The following DNMT3A variants were observed in gnomAD, a reference collection of about 807,000 sequenced individuals.
DNMT3A encodes the protein DNA methyltransferase 3 alpha, also known as DNA (cytosine-5)-methyltransferase 3A.
Under a neutral mutation model 117.6 loss-of-function variants are expected in DNMT3A, and 267 were observed. The ratio of observed to expected loss-of-function variants is 2.27; its 90% CI spans 2.05 to 2.51. The LOEUF (loss-of-function observed/expected upper bound fraction) is 2.51, where lower values mean the gene tolerates loss of function less well. DNMT3A is among the 30% of genes most tolerant of loss of function. DNMT3A has a pLI of 0.00. For missense variants in DNMT3A, 1,029 were observed against 1,260.2 expected (o/e 0.82, Z 2.78); for synonymous variants, 432 against 474.8 (o/e 0.91, Z 1.17).
chr2:25,311,139 A>AG lies in DNMT3A; in HGVS notation c.72+2773dup, dbSNP rs1359893472. Among the ~76,000 whole-genome samples the AG allele has an allele frequency of 9.7e-3, 21 of 2,166 alleles. No homozygotes were observed. Among genetic ancestry groups the AG allele is most frequent in the South Asian group, 0.054 (5 of 92 alleles). 1.4% of individuals were successfully genotyped at this position (2,166 alleles called of 152,430 possible). Reference sequence around the variant, plus strand: ...GGCGGGGCTGGGGGCGGGGGCGGGGAGGGGGGGCGGCGGTGGGCAGAGGCT... The same window carrying AG: ...GGCGGGGCTGGGGGCGGGGGCGGGGAGGGGGGGGCGGCGGTGGGCAGAGGCT... On this transcript the variant is annotated intron_variant, in intron 2 of 22. Transcript: ENST00000321117. This position sits in a 1 kb window ranked among gnomAD's most constrained non-coding sequence, Gnocchi z 5.2.
At chr2:25,317,879 G>A (rs910608897) in intron 1 of DNMT3A, among the ~76,000 whole-genome samples, 1 of 152,168 alleles carries the variant, frequency 6.6e-6, no homozygotes, top group Admixed American at 6.5e-5. Flanking sequence ...GGGATTACAG[G>A]CATGTACCAC....
intron 1 of DNMT3A, among the ~76,000 whole-genome samples, chr2:25,328,048 C>A (rs2034852593): frequency 6.6e-6 from 1 of 152,178 alleles, no homozygotes; most frequent in South Asian, 2.1e-4. Context: ...CTACCTCCCA[C>A]CCCACCCTAT....
At chr2:25,300,628 TCTAAATA>T (rs1259952510) in intron 2 of DNMT3A, among the ~76,000 whole-genome samples, 1,089 of 94,292 alleles carry the variant, frequency 0.012, 44 homozygotes, top group Non-Finnish European at 0.019. Context: ...TATTTAGATA[TCTAAATA>T]ATATATTATT....
chr2:25,299,276 C>G (rs2033281423), intron 3 of DNMT3A, among the ~76,000 whole-genome samples: 2 of 152,176 alleles, frequency 1.3e-5, no homozygotes, highest in Non-Finnish European at 2.9e-5. Flanking sequence ...TCCCAGAAGC[C>G]TGGCGCTGGG....
rs2034352586 is a variant in DNMT3A at position 25,315,819 on chromosome 2, A to T, written c.-177-1658T>A. Among the ~76,000 whole-genome samples the T allele has an allele frequency of 2.0e-5, 3 of 152,212 alleles. No homozygotes were observed. In the South Asian group the frequency reaches 6.2e-4, roughly 31 times the overall value. The stretch of plus-strand genomic sequence containing the variant: ...AAGCACTCGGCTGCCAGCCCTTAGC[A>T]GCCAGTGATTCCCTGTCAAGCCTCA... On this transcript the variant is annotated intron_variant, in intron 1 of 22. Coordinates refer to ENST00000321117, the MANE Select transcript of DNMT3A (RefSeq NM_022552.5).
At chr2:25,248,344 G>A (rs536438690) in intron 6 of DNMT3A, 92 bp from the exon 7 acceptor site, 61 of 1,412,870 alleles carry the variant, frequency 4.3e-5, no homozygotes, top group Non-Finnish European at 5.5e-5. Context: ...GTCAAAACCC[G>A]GAACAGTGAC....
intron 6 of DNMT3A, among the ~76,000 whole-genome samples, chr2:25,269,883 C>T (rs1047147365): frequency 2.0e-5 from 3 of 152,146 alleles, no homozygotes; most frequent in African/African-American, 7.2e-5. Context: ...CGTCTTAAAT[C>T]TTGGGGGAGG....
Position 25,232,853 on chromosome 2 carries a change from C to T in DNMT3A, c.*1426G>A. 4.4e-6 allele frequency: 1 copy of T among 225,940 alleles called. No individual in the cohort carries two copies. Among genetic ancestry groups the T allele is most frequent in the African/African-American group, 2.2e-5 (1 of 44,880 alleles). The allele number at this position is 225,940 out of a possible 1,614,324, so 14.0% of individuals were successfully genotyped here. A position where few individuals can be genotyped will look rare whatever the true frequency, so the allele number is the denominator to read the frequency against. Reference sequence around the variant, plus strand: ...TCAGCCTCCCAGTATAAAACTGCAGCCTTTGGAGATGACCAAAAACATCAC... The same window carrying T: ...TCAGCCTCCCAGTATAAAACTGCAGTCTTTGGAGATGACCAAAAACATCAC... On this transcript the variant is annotated 3_prime_UTR_variant, in exon 23 of 23. Coordinates refer to ENST00000321117, the MANE Select transcript of DNMT3A (RefSeq NM_022552.5). This position sits in a 1 kb window ranked among gnomAD's most constrained non-coding sequence, Gnocchi z 4.1.
At chr2:25,317,508 A>C (rs1022529690) in intron 1 of DNMT3A, among the ~76,000 whole-genome samples, 1 of 152,238 alleles carries the variant, frequency 6.6e-6, no homozygotes, top group African/African-American at 2.4e-5. Flanking sequence ...ACAGTCTTCA[A>C]CAGATGCTTA....
chr2:25,318,136 C>T (rs1287728050), intron 1 of DNMT3A, among the ~76,000 whole-genome samples: 3 of 152,144 alleles, frequency 2.0e-5, no homozygotes, highest in Non-Finnish European at 2.9e-5. Flanking sequence ...TCTGGAGAAT[C>T]GAATGAGTCT....
At chr2:25,245,893 C>A in intron 12 of DNMT3A, 127 bp downstream of exon 12, 1 of 1,200,486 alleles carries the variant, frequency 8.3e-7, no homozygotes, top group Admixed American at 1.7e-5. Context: ...GCACGAAGCA[C>A]GGTGAAGGTG....
At chr2:25,336,715 G>C (rs1030642580) in intron 1 of DNMT3A, among the ~76,000 whole-genome samples, 1 of 151,994 alleles carries the variant, frequency 6.6e-6, no homozygotes, top group African/African-American at 2.4e-5. Flanking sequence ...AGGAGTTCCG[G>C]AGTGCAGGGA....
Position 25,240,297 on chromosome 2 carries a change from T to C in DNMT3A, c.2322+5A>G. 6.2e-7 allele frequency: 1 copy of C among 1,614,160 alleles called. No individual in the cohort carries two copies. The highest frequency in any genetic ancestry group is 2.2e-5 in the East Asian group (1 of 44,878). ...AGCTGGCCAAACCAAGGTTGCTGGCTATACCTCGAGAAATCGCGAGATGTC... is the reference window on the plus strand; with the variant it reads ...AGCTGGCCAAACCAAGGTTGCTGGCCATACCTCGAGAAATCGCGAGATGTC... On this transcript the variant is annotated splice_donor_5th_base_variant and intron_variant, in intron 19 of 22. Coordinates refer to ENST00000321117, the MANE Select transcript of DNMT3A (RefSeq NM_022552.5).
chr2:25,260,558 C>T (rs1359848890), intron 6 of DNMT3A, among the ~76,000 whole-genome samples: 1 of 152,044 alleles, frequency 6.6e-6, no homozygotes, highest in African/African-American at 2.4e-5. Context: ...TGTTTTTGTT[C>T]AATCCATCTG....
intron 1 of DNMT3A, among the ~76,000 whole-genome samples, chr2:25,315,477 T>C (rs2034335047): frequency 6.6e-6 from 1 of 152,138 alleles, no homozygotes; most frequent in Non-Finnish European, 1.5e-5. Flanking sequence ...ACTGCGTCCA[T>C]TCCCCATACC....
At position 25,246,718 on chromosome 2, in the gene DNMT3A, T is replaced by TCACTCTCATC; in HGVS notation, c.1171_1180dup (p.Asp394GlyfsTer2). 1 of 1,613,866 alleles carries TCACTCTCATC rather than the reference T, an allele frequency of 6.2e-7. No individual in the cohort carries two copies. The highest frequency in any genetic ancestry group is 8.5e-7 in the Non-Finnish European group (1 of 1,180,024). ...CTGCACCTCCACGGCCTTGGCAGTG[T>TCACTCTCATC]CACTCTCATCGCTGTCGTGGCACAC... On this transcript the variant is annotated stop_gained and frameshift_variant, in exon 10 of 23. Coordinates refer to ENST00000321117, the MANE Select transcript of DNMT3A (RefSeq NM_022552.5). LOFTEE classifies it high-confidence loss of function.
Position 25,247,119 on chromosome 2 carries a change from T to C in DNMT3A, c.1054A>G (p.Ser352Gly). The C allele has an allele frequency of 1.9e-6, 3 of 1,614,084 alleles. No individual in the cohort carries two copies. Among genetic ancestry groups the C allele is most frequent in the South Asian group, 2.2e-5 (2 of 91,076 alleles). Reference protein sequence around the residue: ...EKLMPLSSFCSAFHQATYNKQ... With the variant: ...EKLMPLSSFCGAFHQATYNKQ... ...TTGTACGTGGCCTGGTGGAACGCACTGCAAAACGAGCTCAGCGGCATCAGC... is the reference window on the plus strand; with the variant it reads ...TTGTACGTGGCCTGGTGGAACGCACCGCAAAACGAGCTCAGCGGCATCAGC... Residue 352 changes from serine (S) to glycine (G), a missense_variant, in exon 9 of 23, where the codon AGT (serine) becomes GGT (glycine). Transcript: ENST00000321117. The surrounding 1 kb of genome is among the most constrained non-coding windows in gnomAD (Gnocchi z 5.6).
chr2:25,296,490 A>C lies in DNMT3A; in HGVS notation c.177+3649T>G, dbSNP rs2033095545. 1.3e-5 allele frequency among the ~76,000 whole-genome samples: 2 copies of C among 152,196 alleles called. No individual in the cohort carries two copies. Among genetic ancestry groups the C allele is most frequent in the African/African-American group, 4.8e-5 (2 of 41,450 alleles). ...TGGAATTCAGATCTTGTCCCCTAAA[A>C]AATGGAGTCCCGGGGGGTTCCTGAA... On this transcript the variant is annotated intron_variant, in intron 3 of 22. Transcript: ENST00000321117. The surrounding 1 kb of genome is among the most constrained non-coding windows in gnomAD (Gnocchi z 4.2).
intron 2 of DNMT3A, among the ~76,000 whole-genome samples, chr2:25,300,707 AATATAATATATATATATATATATATATAT>A (rs1380049989): frequency 1.7e-5 from 1 of 57,866 alleles, no homozygotes; most frequent in Admixed American, 2.3e-4. Flanking sequence ...ATATCTAAAT[AATATAATATATATATATATATATATATAT>A]ATATATATAT....
Sources: allele counts gnomAD v4.1 joint callset (sites outside exome capture counted in the v4.1 genomes callset), GRCh38; gene constraint gnomAD v4.1.1; non-coding constraint Gnocchi (gnomAD v3.1); transcripts MANE v1.5; gene names NCBI Gene and HGNC (gene_info 2026-07-23, HGNC 2026-07-21).